Variants in SOX13 observed in about 807,000 individuals in gnomAD.
The protein encoded by SOX13 is SRY-box transcription factor 13, also known as transcription factor SOX-13.
A neutral mutation model predicts 71.8 loss-of-function variants in SOX13; 28 were observed. The observed-to-expected ratio is 0.39, with a 90% CI of 0.29 to 0.53. SOX13 has a LOEUF of 0.53. Ranked by LOEUF, SOX13 falls within the 20% of genes least tolerant of loss-of-function variation. SOX13 has a pLI of 0.70. For missense variants in SOX13, 627 were observed against 810.3 expected, an observed-to-expected ratio of 0.77 and a Z score of 2.75; for synonymous variants, 309 against 317.8, an observed-to-expected ratio of 0.97 and a Z score of 0.29.
intron 1 of SOX13, among the ~76,000 whole-genome samples, chr1:204,101,208 C>A (rs560177533): frequency 3.4e-4 from 52 of 152,218 alleles, no homozygotes; most frequent in African/African-American, 1.3e-3. Context: ...GATCGTGGAC[C>A]CATTTCTCCT....
At chr1:204,077,784 G>A (rs918041968) in intron 1 of SOX13, among the ~76,000 whole-genome samples, 1 of 152,044 alleles carries the variant, frequency 6.6e-6, no homozygotes, top group African/African-American at 2.4e-5. Flanking sequence ...TACAATGGTC[G>A]TGAATTACTT....
chr1:204,099,567 C>T (rs369235228), intron 1 of SOX13, among the ~76,000 whole-genome samples: 21 of 151,644 alleles, frequency 1.4e-4, no homozygotes, highest in African/African-American at 4.8e-4. Flanking sequence ...CATGCCTCAC[C>T]ACACCTGGCA....
At chr1:204,074,620 TG>T (rs1161819683) in intron 1 of SOX13, among the ~76,000 whole-genome samples, 4 of 152,172 alleles carry the variant, frequency 2.6e-5, no homozygotes, top group African/African-American at 7.2e-5. Flanking sequence ...GCTGCCCGCA[TG>T]GGTCTTCAGG....
intron 1 of SOX13, among the ~76,000 whole-genome samples, chr1:204,092,101 G>A (rs139814975): frequency 1.0e-3 from 152 of 151,510 alleles, no homozygotes; most frequent in African/African-American, 3.6e-3. Context: ...AGGCTGGAGT[G>A]CAGTGGCACG....
intron 1 of SOX13, among the ~76,000 whole-genome samples, chr1:204,091,103 A>G (rs928140275): frequency 1.3e-5 from 2 of 152,226 alleles, no homozygotes; most frequent in African/African-American, 2.4e-5. Flanking sequence ...AAATTCCAAC[A>G]GAACACTGTT....
At chr1:204,110,861 T>C (rs901549180) in intron 1 of SOX13, among the ~76,000 whole-genome samples, 4 of 152,012 alleles carry the variant, frequency 2.6e-5, no homozygotes, top group African/African-American at 9.7e-5. Flanking sequence ...CTATATCTGA[T>C]TTTAGCCTTA....
intron 1 of SOX13, chr1:204,074,342 C>A (rs577872023): frequency 2.7e-5 from 4 of 150,578 alleles, no homozygotes; most frequent in Non-Finnish European, 4.4e-5. Flanking sequence ...CCACCCCCAC[C>A]GCAGGCTGCT....
intron 1 of SOX13, among the ~76,000 whole-genome samples, chr1:204,099,181 C>T (rs1656311543): frequency 6.6e-6 from 1 of 152,204 alleles, no homozygotes; most frequent in South Asian, 2.1e-4. Flanking sequence ...TAGCCAGTCT[C>T]TGGGTTCAGT....
At position 204,114,387 on chromosome 1, in the gene SOX13, T is replaced by A; in HGVS notation, c.286T>A (p.Ser96Thr). The part of the protein sequence containing the change: ...PKRPGVSEAA[S>T]GSQEKLDFNR... The stretch of plus-strand genomic sequence containing the variant: ...GAGACCAGGAGTGTCGGAGGCTGCC[T>A]CTGGAAGCCAGGAGAAGCTGGACTT... The change falls in exon 3 of 14, where the codon TCT (serine) becomes ACT (threonine). Residue 96 changes from serine (S) to threonine (T), a missense_variant. By Grantham distance (58) the Ser-to-Thr change is moderately conservative (BLOSUM62 1). This residue lies in a region of SOX13 where 447 missense variants were observed against 532.2 expected (regional missense o/e 0.84). Transcript: ENST00000367204. The A allele has an allele frequency of 6.2e-7, 1 of 1,612,740 alleles. No homozygotes were observed. The highest frequency in any genetic ancestry group is 8.5e-7 in the Non-Finnish European group (1 of 1,179,388).
intron 1 of SOX13, among the ~76,000 whole-genome samples, chr1:204,109,622 C>G (rs1243958957): frequency 1.3e-5 from 2 of 152,060 alleles, no homozygotes; most frequent in African/African-American, 2.4e-5. Flanking sequence ...CCTGGTGATG[C>G]ATTTCTCAGA....
intron 1 of SOX13, among the ~76,000 whole-genome samples, chr1:204,099,161 A>G (rs535162241): frequency 4.6e-4 from 70 of 152,308 alleles, no homozygotes; most frequent in African/African-American, 1.7e-3. Context: ...ACTTAAAAGA[A>G]GAGACTCATT....
chr1:204,074,408 A>T (rs1340859150), intron 1 of SOX13: 1 of 141,614 alleles, frequency 7.1e-6, no homozygotes, highest in Non-Finnish European at 1.5e-5. Flanking sequence ...TTTCATCCCG[A>T]TTCCGCTGCA....
At chr1:204,102,627 G>A (rs1190124278) in intron 1 of SOX13, among the ~76,000 whole-genome samples, 2 of 151,684 alleles carry the variant, frequency 1.3e-5, no homozygotes, top group Non-Finnish European at 2.9e-5. Flanking sequence ...AGCAGATGGA[G>A]GAGGAAGAGG....
chr1:204,126,218 A>G lies in SOX13; in HGVS notation c.*84A>G. 6.9e-7 allele frequency: 1 copy of G among 1,439,034 alleles called. No individual in the cohort carries two copies. The highest frequency in any genetic ancestry group is 9.5e-7 in the Non-Finnish European group (1 of 1,049,364). The allele number at this position is 1,439,034 out of a possible 1,614,324, so 89.1% of individuals were successfully genotyped here. A position where few individuals can be genotyped will look rare whatever the true frequency, so the allele number is the denominator to read the frequency against. ...GGGCACAGCCAGCCAACCTAAGACT[A>G]TGTTGGTACTTGGACTTGTTCGTGC... is the stretch of plus-strand genomic sequence containing the variant. On this transcript the variant is annotated 3_prime_UTR_variant, in exon 14 of 14. Coordinates refer to ENST00000367204, the MANE Select transcript of SOX13 (RefSeq NM_005686.3).
intron 1 of SOX13, among the ~76,000 whole-genome samples, chr1:204,094,631 T>C (rs1261224087): frequency 6.6e-6 from 1 of 152,042 alleles, no homozygotes; most frequent in Non-Finnish European, 1.5e-5. Context: ...GCCGGTGGCT[T>C]TTTCAGTCTC....
intron 1 of SOX13, among the ~76,000 whole-genome samples, chr1:204,112,052 C>A (rs1656589042): frequency 6.6e-6 from 1 of 152,180 alleles, no homozygotes; most frequent in Non-Finnish European, 1.5e-5. Context: ...TCAATTCCAG[C>A]CAATTTTTAC....
At chr1:204,106,809 C>T (rs1656480039) in intron 1 of SOX13, among the ~76,000 whole-genome samples, 1 of 152,062 alleles carries the variant, frequency 6.6e-6, no homozygotes, top group African/African-American at 2.4e-5. Context: ...CCAGCGACTC[C>T]AAAATAAATT....
At position 204,081,133 on chromosome 1, in the gene SOX13, G is replaced by A. The variant is rs1185207104; in HGVS notation, c.-2+7422G>A. On this transcript the variant is annotated intron_variant, in intron 1 of 13. Coordinates refer to ENST00000367204, the MANE Select transcript of SOX13 (RefSeq NM_005686.3). This position sits in a 1 kb window ranked among gnomAD's most constrained non-coding sequence, Gnocchi z 4.3. ...TCTCCATGTTGGTTAGGCTGGTCTC[G>A]AACTCCCGACCTCAGGTGATCCGCC... is the stretch of plus-strand genomic sequence containing the variant. 6.6e-6 allele frequency among the ~76,000 whole-genome samples: 1 copy of A among 151,898 alleles called. No individual in the cohort carries two copies. The highest frequency in any genetic ancestry group is 2.4e-5 in the African/African-American group (1 of 41,358).
chr1:204,087,544 G>GT (rs1558211223), intron 1 of SOX13, among the ~76,000 whole-genome samples: 1 of 152,248 alleles, frequency 6.6e-6, no homozygotes, highest in Non-Finnish European at 1.5e-5. Context: ...GGGACCACCA[G>GT]TGCTAAGGCC....
Sources: gnomAD v4.1 joint callset for allele counts (sites outside exome capture counted in the v4.1 genomes callset) on GRCh38, gnomAD v4.1.1 for gene constraint, gnomAD v4.1.1 regional missense constraint, Gnocchi (gnomAD v3.1) non-coding constraint, MANE v1.5 for transcripts, NCBI Gene and HGNC (gene_info 2026-07-23, HGNC 2026-07-21) for gene names.